YES1: variants seen among roughly 807,000 people sequenced by gnomAD.
The protein encoded by YES1 is tyrosine-protein kinase Yes.
In YES1, 39 loss-of-function variants were observed where a neutral mutation model predicts 70.4. The ratio of observed to expected loss-of-function variants is 0.55; its 90% confidence interval spans 0.43 to 0.72. The LOEUF is 0.72. Ranked by LOEUF, YES1 falls within the 30% of genes least tolerant of loss-of-function variation. YES1 has a pLI of 0.00. For synonymous variants in YES1, 198 were observed against 218.6 expected, an observed-to-expected ratio of 0.91 and a Z score of 0.83; for missense variants, 495 against 644.8, an observed-to-expected ratio of 0.77 and a Z score of 2.52.
At chr18:758,511 T>C (rs1904406959) in intron 1 of YES1, among the ~76,000 whole-genome samples, 1 of 152,214 alleles carries the variant, frequency 6.6e-6, no homozygotes, top group Admixed American at 6.5e-5. Context: ...TGCTTTCCCA[T>C]TTTGGGTTTC....
At chr18:807,826 A>G (rs1427665604) in intron 1 of YES1, among the ~76,000 whole-genome samples, 1 of 152,214 alleles carries the variant, frequency 6.6e-6, no homozygotes, top group Non-Finnish European at 1.5e-5. Flanking sequence ...TAGAGTCCAA[A>G]GAACCTATAT....
intron 1 of YES1, among the ~76,000 whole-genome samples, chr18:764,512 G>A (rs767665765): frequency 3.3e-5 from 5 of 151,476 alleles, no homozygotes; most frequent in African/African-American, 7.3e-5. Context: ...GTGAGCCACC[G>A]TGCCTGGCCA....
chr18:747,988 G>A lies in YES1; in HGVS notation c.402C>T (p.Ile134=), dbSNP rs148034301. ...TEGDWWEARS[I]ATGKNGYIPS... ...GGATATAACCATTCTTTCCTGTAGCGATTGATCTTGCTTCCCACCAATCTC... is the reference window on the plus strand; with the variant it reads ...GGATATAACCATTCTTTCCTGTAGCAATTGATCTTGCTTCCCACCAATCTC... Residue 134 remains isoleucine (I), a synonymous_variant, in exon 4 of 12, where the codon ATC becomes ATT. Transcript: ENST00000314574. The A allele has an allele frequency of 1.9e-5, 30 of 1,613,814 alleles. No homozygotes were observed. The highest frequency in any genetic ancestry group is 1.7e-4 in the African/African-American group (13 of 75,024).
At chr18:774,355 C>T (rs1314487422) in intron 1 of YES1, among the ~76,000 whole-genome samples, 9 of 152,162 alleles carry the variant, frequency 5.9e-5, no homozygotes, top group Admixed American at 1.3e-4. Flanking sequence ...TGTATCTTTA[C>T]GGACTTCTGG....
At chr18:736,749 C>T (rs1389565765) in intron 10 of YES1, 59 bp downstream of exon 10, 1 of 1,572,722 alleles carries the variant, frequency 6.4e-7, no homozygotes, top group East Asian at 2.2e-5. Context: ...CCTGTATAGT[C>T]AAGAGAGTTA....
chr18:792,375 A>G (rs1011065681), intron 1 of YES1, among the ~76,000 whole-genome samples: 2 of 152,152 alleles, frequency 1.3e-5, no homozygotes, highest in African/African-American at 4.8e-5. Flanking sequence ...AAATAAAATA[A>G]AAAATAAAGA....
intron 1 of YES1, among the ~76,000 whole-genome samples, chr18:793,143 G>A (rs570912620): frequency 1.3e-4 from 20 of 151,182 alleles, no homozygotes; most frequent in Non-Finnish European, 2.8e-4. Flanking sequence ...GGGTTCAAGC[G>A]ATACTCCTGC....
chr18:727,898 C>T (rs745764663), intron 11 of YES1, among the ~76,000 whole-genome samples: 12 of 152,062 alleles, frequency 7.9e-5, no homozygotes, highest in Admixed American at 7.2e-4. Flanking sequence ...GTTGTTCCTG[C>T]GTAGATAATA....
chr18:726,985 A>G (rs2080028639), intron 11 of YES1, among the ~76,000 whole-genome samples: 1 of 152,144 alleles, frequency 6.6e-6, no homozygotes, highest in Non-Finnish European at 1.5e-5. Flanking sequence ...TCCACGCTAC[A>G]TGTGGAAAGT....
chr18:724,596 C>G lies in YES1; in HGVS notation c.1460G>C (p.Arg487Pro). The change falls in exon 12 of 12, where the codon CGA (arginine) becomes CCA (proline). Residue 487 changes from arginine (R) to proline (P), a missense_variant. Physicochemically the swap from Arg to Pro is moderately radical, Grantham distance 103. Coordinates refer to ENST00000314574, the MANE Select transcript of YES1 (RefSeq NM_005433.4). ...CTGAGGGCACGGCATCCTGTATCCT[C>G]GCTCCACTTGTTCTAATACTTCACG... ...VNREVLEQVE[R>P]GYRMPCPQGC... 2 of 1,614,102 alleles carry G rather than the reference C, an allele frequency of 1.2e-6. No individual in the cohort carries two copies. The highest frequency in any genetic ancestry group is 1.7e-6 in the Non-Finnish European group (2 of 1,179,988).
intron 1 of YES1, among the ~76,000 whole-genome samples, chr18:804,922 A>AAAAAAAAAAAAC (rs1907020153): frequency 6.6e-6 from 1 of 151,578 alleles, no homozygotes; most frequent in African/African-American, 2.4e-5. Flanking sequence ...TCAAAAAAAA[A>AAAAAAAAAAAAC]AAACACAAAC....
intron 1 of YES1, among the ~76,000 whole-genome samples, chr18:807,931 A>G (rs1314548827): frequency 1.3e-5 from 2 of 152,152 alleles, no homozygotes; most frequent in Non-Finnish European, 2.9e-5. Context: ...GCTTCAAGGA[A>G]CCTGCAGTCT....
chr18:798,713 C>T (rs922313910), intron 1 of YES1, among the ~76,000 whole-genome samples: 2 of 152,156 alleles, frequency 1.3e-5, no homozygotes, highest in Non-Finnish European at 2.9e-5. Context: ...CGCTTCCTAA[C>T]CTTTCATATA....
At chr18:794,828 GT>G (rs777490475) in intron 1 of YES1, among the ~76,000 whole-genome samples, 1 of 152,058 alleles carries the variant, frequency 6.6e-6, no homozygotes, top group Non-Finnish European at 1.5e-5. Flanking sequence ...GTTTTGTTTT[GT>G]TTTTTGAGAC....
In YES1 at chr18:777,806, T is replaced by TA. The variant is rs35073440; in HGVS notation, c.-8-20972dup. Among the ~76,000 whole-genome samples the TA allele has an allele frequency of 7.3e-3, 938 of 129,232 alleles. 11 individuals carry two copies. The highest frequency in any genetic ancestry group is 0.017 in the African/African-American group (573 of 34,360). 84.8% of individuals were successfully genotyped at this position (129,232 alleles called of 152,430 possible). A position where few individuals can be genotyped will look rare whatever the true frequency, so the allele number is the denominator to read the frequency against. On this transcript the variant is annotated intron_variant, in intron 1 of 11. Coordinates refer to ENST00000314574, the MANE Select transcript of YES1 (RefSeq NM_005433.4). ...TGGACAACAGAGTGAGACTCTGGCTTAAAAAAAAAAAAAAAAAAAATTAAA... is the reference window on the plus strand; with the variant it reads ...TGGACAACAGAGTGAGACTCTGGCTTAAAAAAAAAAAAAAAAAAAAATTAAA...
intron 1 of YES1, among the ~76,000 whole-genome samples, chr18:782,789 G>A (rs1011795023): frequency 4.6e-5 from 7 of 152,116 alleles, no homozygotes; most frequent in African/African-American, 1.4e-4. Flanking sequence ...CCACCTCCTG[G>A]GTTCAAGTGA....
At chr18:808,050 C>T (rs950392553) in intron 1 of YES1, among the ~76,000 whole-genome samples, 1 of 152,168 alleles carries the variant, frequency 6.6e-6, no homozygotes, top group Non-Finnish European at 1.5e-5. Flanking sequence ...TCCATTAGTA[C>T]CTCAACAGTA....
chr18:754,910 CTT>C (rs1218468690), intron 2 of YES1, among the ~76,000 whole-genome samples: 1 of 152,098 alleles, frequency 6.6e-6, no homozygotes, highest in Non-Finnish European at 1.5e-5. Context: ...AGAACAGAAA[CTT>C]TGTCTTGCTC....
At chr18:748,599 T>C (rs2080307137) in intron 3 of YES1, among the ~76,000 whole-genome samples, 1 of 152,192 alleles carries the variant, frequency 6.6e-6, no homozygotes, top group East Asian at 1.9e-4. Flanking sequence ...TCTATGGATA[T>C]GCCCACTGCA....
Sources: allele counts gnomAD v4.1 joint callset (sites outside exome capture counted in the v4.1 genomes callset), GRCh38; gene constraint gnomAD v4.1.1; transcripts MANE v1.5; gene names NCBI Gene and HGNC (gene_info 2026-07-23, HGNC 2026-07-21).